TEFM: variants seen among roughly 807,000 people sequenced by gnomAD.
The protein encoded by TEFM is transcription elongation factor, mitochondrial, also known as transcription elongation factor of mitochondria.
TEFM carries 14 observed loss-of-function variants against 23.0 expected under a neutral mutation model. That is an observed-to-expected ratio of 0.61 (90% CI 0.40 to 0.95). The LOEUF (loss-of-function observed/expected upper bound fraction) is 0.95, where lower values mean the gene tolerates loss of function less well. Ranked by LOEUF, TEFM falls within the 40% of genes least tolerant of loss-of-function variation. The probability of loss-of-function intolerance (pLI) is 0.00; values close to 1 mark genes in which losing one functional copy is unlikely to be tolerated. For synonymous variants in TEFM, 155 were observed against 158.3 expected, an observed-to-expected ratio of 0.98 and a Z score of 0.16; for missense variants, 386 against 425.5, an observed-to-expected ratio of 0.91 and a Z score of 0.82.
At chr17:30,903,963 T>C in intron 2 of TEFM, 103 bp downstream of exon 2, 1 of 986,826 alleles carries the variant, frequency 1.0e-6, no homozygotes, top group Non-Finnish European at 1.5e-6. Context: ...CAACTAAACC[T>C]GAAGAACCCT....
chr17:30,900,521 T>G lies in TEFM; in HGVS notation c.537A>C (p.Arg179Ser). The change falls in exon 3 of 4, where the codon AGA becomes AGC. Residue 179 changes from arginine to serine, a missense_variant. Coordinates refer to ENST00000581216, the MANE Select transcript of TEFM (RefSeq NM_024683.4). ...TACGATCAAGGTGAGCCCAGGCAAT[T>G]CTTCGAGTACCAAAAACGATAGATA... ...SIISIVFGTR[R>S]IAWAHLDRKL... 1 of 1,614,140 alleles carries G rather than the reference T, an allele frequency of 6.2e-7. No individual in the cohort carries two copies. Among genetic ancestry groups the G allele is most frequent in the Non-Finnish European group, 8.5e-7 (1 of 1,179,980 alleles).
At chr17:30,900,035 C>CAAGGTGGTAATTCCTGACCATT (rs1443112892) in intron 3 of TEFM, 20 of 308,980 alleles carry the variant, frequency 6.5e-5, no homozygotes, top group Non-Finnish European at 1.1e-4. Flanking sequence ...TATGTATAAT[C>CAAGGTGGTAATTCCTGACCATT]AAGGTGGTAA....
At chr17:30,905,556 A>T (rs1016321153) in intron 1 of TEFM, among the ~76,000 whole-genome samples, 1 of 151,370 alleles carries the variant, frequency 6.6e-6, no homozygotes, top group Non-Finnish European at 1.5e-5. Flanking sequence ...CTTCACTTCC[A>T]TTTTCACATT....
chr17:30,899,673 C>A, intron 3 of TEFM, 67 bp from the exon 4 acceptor site: 1 of 1,069,132 alleles, frequency 9.4e-7, no homozygotes, highest in Non-Finnish European at 1.3e-6. Flanking sequence ...GGTCCCCTCT[C>A]TGTCCCACTT....
chr17:30,901,543 A>G (rs11658435), intron 2 of TEFM, among the ~76,000 whole-genome samples: 15,983 of 152,190 alleles, frequency 0.11, 955 homozygotes, highest in South Asian at 0.24. Flanking sequence ...GGAGAATGAG[A>G]CAGTAAATGG....
intron 2 of TEFM, 56 bp downstream of exon 2, chr17:30,904,010 G>A (rs1910108729): frequency 6.7e-7 from 1 of 1,491,192 alleles, no homozygotes; most frequent in Admixed American, 2.1e-5. Context: ...CCAGAAGAGT[G>A]CTTTCTAGAG....
chr17:30,901,643 G>A (rs1019669479), intron 2 of TEFM, among the ~76,000 whole-genome samples: 3 of 152,206 alleles, frequency 2.0e-5, no homozygotes, highest in African/African-American at 7.2e-5. Context: ...GAAAAGGGCA[G>A]AGGACAAGGC....
chr17:30,902,897 C>G (rs1418868739), intron 2 of TEFM, among the ~76,000 whole-genome samples: 1 of 151,710 alleles, frequency 6.6e-6, no homozygotes, highest in African/African-American at 2.4e-5. Flanking sequence ...AATCTCAGCA[C>G]TTCGGGAGCC....
intron 1 of TEFM, 123 bp from the exon 2 acceptor site, chr17:30,904,652 G>C (rs915937171): frequency 4.6e-6 from 3 of 656,982 alleles, no homozygotes; most frequent in African/African-American, 3.7e-5. Context: ...ACTAATAGAG[G>C]ACAATATTAA....
chr17:30,905,192 T>C (rs967759963), intron 1 of TEFM, among the ~76,000 whole-genome samples: 2 of 152,160 alleles, frequency 1.3e-5, no homozygotes, highest in African/African-American at 4.8e-5. Context: ...ATTTTTAATT[T>C]AGAGGAATCT....
chr17:30,905,437 T>C (rs1302854949), intron 1 of TEFM, among the ~76,000 whole-genome samples: 1 of 151,712 alleles, frequency 6.6e-6, no homozygotes, highest in African/African-American at 2.4e-5. Flanking sequence ...GGAGAATCGC[T>C]TGAGCCCGGA....
intron 1 of TEFM, 147 bp downstream of exon 1, chr17:30,906,021 C>T (rs1292764778): frequency 1.6e-6 from 2 of 1,256,266 alleles, no homozygotes; most frequent in Non-Finnish European, 2.3e-6. Flanking sequence ...CAGCCGTATT[C>T]CATTAGCCTC....
chr17:30,904,020 G>T, intron 2 of TEFM, 46 bp downstream of exon 2: 1 of 1,535,912 alleles, frequency 6.5e-7, no homozygotes, highest in Non-Finnish European at 8.8e-7. Context: ...GCTTTCTAGA[G>T]TAGGTTCTCA....
rs181110964 is a variant in TEFM, at chr17:30,902,366, G to A, written c.495+1700C>T. Among the ~76,000 whole-genome samples, 159 of 152,226 alleles carry A rather than the reference G, an allele frequency of 1.0e-3. 1 individual carries two copies. The highest frequency in any genetic ancestry group is 4.4e-4 in the Non-Finnish European group (30 of 68,024). ...CTAAGTGACTCTCAAGCTTTACTGT[G>A]CACAAGCATTACTGAACCAGACTAC... On this transcript the variant is annotated intron_variant, in intron 2 of 3. Transcript: ENST00000581216.
intron 1 of TEFM, among the ~76,000 whole-genome samples, chr17:30,904,881 T>A (rs1910133334): frequency 6.6e-6 from 1 of 151,990 alleles, no homozygotes; most frequent in Non-Finnish European, 1.5e-5. Context: ...GGTTTCACAG[T>A]GTTAGCCAGG....
Position 30,899,579 on chromosome 17 carries a change from T to C in TEFM, c.673A>G (p.Lys225Glu). Residue 225 changes from lysine to glutamate, a missense_variant, in exon 4 of 4, where the codon AAA (lysine) becomes GAA (glutamate). Transcript: ENST00000581216. Reference sequence around the variant, plus strand: ...TTTTCCAGAACATAGAAATCTGCTTTAGGCATCTTTGAAATGATCGAGGAA... The same window carrying C: ...TTTTCCAGAACATAGAAATCTGCTTCAGGCATCTTTGAAATGATCGAGGAA... ...EISSIISKMP[K>E]ADFYVLEKTG... 2 of 1,559,050 alleles carry C rather than the reference T, an allele frequency of 1.3e-6. No individual in the cohort carries two copies. Among genetic ancestry groups the C allele is most frequent in the African/African-American group, 2.8e-5 (2 of 72,684 alleles).
rs573229273 is a variant in TEFM at position 30,904,477 on chromosome 17, T to A, written c.84A>T (p.Leu28Phe). ...ATTTTTTCCGACAGCAGAAATTATG[T>A]AAGGCCCAGTACAGGGATGACCTCG... is the stretch of plus-strand genomic sequence containing the variant. Reference protein sequence around the residue: ...TPSRSSLYWALHNFCCRKKST... With the variant: ...TPSRSSLYWAFHNFCCRKKST... Residue 28 changes from leucine to phenylalanine, a missense_variant, in exon 2 of 4, where the codon TTA becomes TTT. Leu to Phe is a conservative substitution (Grantham distance 22). Transcript: ENST00000581216. 1.5e-5 allele frequency: 24 copies of A among 1,614,178 alleles called. No homozygotes were observed. The African/African-American group carries it at 2.9e-4, about 20-fold the overall frequency.
chr17:30,903,089 G>C (rs1320121332), intron 2 of TEFM, among the ~76,000 whole-genome samples: 3 of 124,880 alleles, frequency 2.4e-5, no homozygotes, highest in Non-Finnish European at 4.7e-5. Flanking sequence ...GTTGTTGTGA[G>C]ATCATGCCAC....
At chr17:30,906,057 G>A (rs1910163463) in intron 1 of TEFM, 111 bp downstream of exon 1, 6 of 1,494,126 alleles carry the variant, frequency 4.0e-6, no homozygotes, top group Non-Finnish European at 5.6e-6. Flanking sequence ...ATGACAGACG[G>A]GAAATCACCC....
Sources: allele counts gnomAD v4.1 joint callset (sites outside exome capture counted in the v4.1 genomes callset), GRCh38; gene constraint gnomAD v4.1.1; transcripts MANE v1.5; gene names NCBI Gene and HGNC (gene_info 2026-07-23, HGNC 2026-07-21).